TTC27: variants seen among roughly 807,000 people sequenced by gnomAD.
TTC27 encodes the protein tetratricopeptide repeat domain 27, also known as tetratricopeptide repeat protein 27.
A neutral mutation model predicts 115.9 loss-of-function variants in TTC27; 79 were observed. That is an observed-to-expected ratio of 0.68 (90% CI 0.57 to 0.82). The LOEUF is 0.82. TTC27 is among the 40% of genes least tolerant of loss of function. The probability of loss-of-function intolerance (pLI) is 0.00; values close to 1 mark genes in which losing one functional copy is unlikely to be tolerated. For missense variants in TTC27, 1,054 were observed against 993.1 expected (o/e 1.06, Z -0.82); for synonymous variants, 401 against 356.0 (o/e 1.13, Z -1.42).
chr2:32,729,172 A>C (rs1022181181), intron 10 of TTC27, among the ~76,000 whole-genome samples: 1 of 152,226 alleles, frequency 6.6e-6, no homozygotes, highest in African/African-American at 2.4e-5. Context: ...TTTCAGGAAA[A>C]GGGTAGGTCC....
intron 15 of TTC27, among the ~76,000 whole-genome samples, chr2:32,784,813 C>T (rs939874939): frequency 6.6e-6 from 1 of 152,128 alleles, no homozygotes; most frequent in Non-Finnish European, 1.5e-5. Context: ...CCCCCAACCC[C>T]TGTGGATGGG....
At chr2:32,800,965 G>C (rs766128070) in intron 16 of TTC27, among the ~76,000 whole-genome samples, 2 of 152,170 alleles carry the variant, frequency 1.3e-5, no homozygotes, top group Non-Finnish European at 2.9e-5. Context: ...AAAAGATCAA[G>C]AGATTTGATA....
chr2:32,712,586 G>GTC (rs1175231120), intron 10 of TTC27, among the ~76,000 whole-genome samples: 5 of 151,360 alleles, frequency 3.3e-5, no homozygotes, highest in African/African-American at 1.2e-4. Context: ...ATGAGGCAGA[G>GTC]TCTCACTTTG....
intron 8 of TTC27, 116 bp from the exon 9 acceptor site, chr2:32,678,740 A>T (rs1234465666): frequency 6.0e-5 from 45 of 746,034 alleles, no homozygotes; most frequent in Non-Finnish European, 6.3e-6. Flanking sequence ...ATAATATTTA[A>T]ATATCTGCTT....
intron 11 of TTC27, 96 bp downstream of exon 11, chr2:32,734,019 C>G: frequency 2.4e-6 from 2 of 840,666 alleles, no homozygotes; most frequent in Non-Finnish European, 3.6e-6. Context: ...TTTGAATTTT[C>G]AAATATTTTG....
intron 9 of TTC27, among the ~76,000 whole-genome samples, chr2:32,684,480 G>A (rs1666562117): frequency 1.3e-5 from 2 of 151,886 alleles, no homozygotes; most frequent in South Asian, 4.1e-4. Flanking sequence ...AGTGTGAATT[G>A]ATACTGGCAG....
In TTC27 at chr2:32,666,653, C is replaced by G; in HGVS notation, c.824C>G (p.Thr275Arg). The G allele has an allele frequency of 1.2e-6, 2 of 1,613,684 alleles. No homozygotes were observed. The highest frequency in any genetic ancestry group is 1.7e-6 in the Non-Finnish European group (2 of 1,179,862). Residue 275 changes from threonine to arginine, a missense_variant, in exon 7 of 20, where the codon ACA (threonine) becomes AGA (arginine). Physicochemically the swap from Thr to Arg is moderately conservative, Grantham distance 71. Coordinates refer to ENST00000317907, the MANE Select transcript of TTC27 (RefSeq NM_017735.5). ...IDLTGALGKR[T>R]RFQENYVAQL... is the part of the protein sequence containing the mutation. The stretch of plus-strand genomic sequence containing the variant: ...TTTTCAGGTGCTTTGGGAAAAAGAA[C>G]ACGGTTCCAGGAAAATTATGTGGCA...
chr2:32,666,484 T>C (rs751103667), intron 6 of TTC27, 151 bp from the exon 7 acceptor site: 69 of 725,952 alleles, frequency 9.5e-5, no homozygotes, highest in Admixed American at 6.5e-4. Flanking sequence ...TTATAAGTCA[T>C]TTAAAACCTG....
chr2:32,759,510 C>T (rs960431314), intron 13 of TTC27, among the ~76,000 whole-genome samples: 8 of 152,186 alleles, frequency 5.3e-5, no homozygotes, highest in African/African-American at 1.9e-4. Context: ...ATAATCCCAG[C>T]ACTTTGGGAG....
intron 9 of TTC27, among the ~76,000 whole-genome samples, chr2:32,680,946 G>T (rs944524165): frequency 3.3e-5 from 5 of 152,012 alleles, no homozygotes; most frequent in African/African-American, 1.2e-4. Flanking sequence ...TGCACTGTGA[G>T]GTACCTGTGA....
chr2:32,713,654 T>G lies in TTC27; in HGVS notation c.1233+10734T>G, dbSNP rs549843521. Among the ~76,000 whole-genome samples, 16 of 152,352 alleles carry G rather than the reference T, an allele frequency of 1.1e-4. No individual in the cohort carries two copies. In the South Asian group the frequency reaches 3.3e-3, roughly 32 times the overall value. ...CATTGAATTGGAAATTTGAGATTAT[T>G]GCAGTTTTCTGTCCCTGAAGTCTGT... On this transcript the variant is annotated intron_variant, in intron 10 of 19. Transcript: ENST00000317907.
intron 9 of TTC27, among the ~76,000 whole-genome samples, chr2:32,700,343 A>G (rs1452006831): frequency 2.0e-5 from 3 of 152,114 alleles, no homozygotes; most frequent in African/African-American, 4.8e-5. Context: ...GATGCCTCTC[A>G]ATCTTTCACT....
chr2:32,653,713 TTGTC>T (rs1479083126), intron 5 of TTC27, among the ~76,000 whole-genome samples: 1 of 152,196 alleles, frequency 6.6e-6, no homozygotes, highest in Non-Finnish European at 1.5e-5. Context: ...CTAAATGTCA[TTGTC>T]TGTAATTATA....
rs372363933 is a variant in TTC27 at position 32,699,332 on chromosome 2, C to T, written c.1120-3475C>T. Among the ~76,000 whole-genome samples, 6 of 152,280 alleles carry T rather than the reference C, an allele frequency of 3.9e-5. No homozygotes were observed. In the East Asian group the frequency reaches 1.2e-3, roughly 29 times the overall value. Reference sequence around the variant, plus strand: ...CCAGCCTTGTAGGCATTGGGGTGATCACTTCTCAAGTTCTAAATGGAATGG... The same window carrying T: ...CCAGCCTTGTAGGCATTGGGGTGATTACTTCTCAAGTTCTAAATGGAATGG... On this transcript the variant is annotated intron_variant, in intron 9 of 19. Coordinates refer to ENST00000317907, the MANE Select transcript of TTC27 (RefSeq NM_017735.5).
intron 3 of TTC27, among the ~76,000 whole-genome samples, chr2:32,637,800 G>T (rs1664485967): frequency 6.6e-6 from 1 of 152,196 alleles, no homozygotes; most frequent in African/African-American, 2.4e-5. Flanking sequence ...TCTCAAGTCA[G>T]TATATTCACT....
intron 4 of TTC27, among the ~76,000 whole-genome samples, chr2:32,641,368 C>G (rs1664641883): frequency 6.6e-6 from 1 of 152,228 alleles, no homozygotes; most frequent in African/African-American, 2.4e-5. Flanking sequence ...ATTAAATGGA[C>G]ATGACTGTCT....
intron 10 of TTC27, among the ~76,000 whole-genome samples, chr2:32,733,099 T>C (rs1271563787): frequency 1.3e-5 from 2 of 152,234 alleles, no homozygotes; most frequent in Admixed American, 1.3e-4. Flanking sequence ...AGCTCTTCTA[T>C]GACGAATCAT....
intron 13 of TTC27, among the ~76,000 whole-genome samples, chr2:32,760,827 GCA>G (rs911851232): frequency 5.3e-5 from 8 of 152,138 alleles, no homozygotes; most frequent in African/African-American, 1.9e-4. Context: ...TCTCTGCAGC[GCA>G]CAGTCTGTTC....
intron 5 of TTC27, among the ~76,000 whole-genome samples, chr2:32,663,031 C>T (rs1665611798): frequency 6.6e-6 from 1 of 152,154 alleles, no homozygotes; most frequent in South Asian, 2.1e-4. Context: ...CCTGTCCCCA[C>T]CAAGCTCGAG....
Sources: gnomAD v4.1 joint callset for allele counts (sites outside exome capture counted in the v4.1 genomes callset) on GRCh38, gnomAD v4.1.1 for gene constraint, MANE v1.5 for transcripts, NCBI Gene and HGNC (gene_info 2026-07-23, HGNC 2026-07-21) for gene names.